The following CPNE9 variants were observed in gnomAD, a reference collection of about 807,000 sequenced individuals.
CPNE9 encodes the protein copine-9.
A neutral mutation model predicts 83.0 loss-of-function variants in CPNE9; 59 were observed. The observed-to-expected ratio is 0.71, with a 90% CI of 0.58 to 0.88. The LOEUF (loss-of-function observed/expected upper bound fraction) is 0.88, where lower values mean the gene tolerates loss of function less well. CPNE9 is among the 40% of genes least tolerant of loss of function. The pLI, the probability that CPNE9 is intolerant of heterozygous loss-of-function variation, is 0.00. For synonymous variants in CPNE9, 256 were observed against 273.4 expected, an observed-to-expected ratio of 0.94 and a Z score of 0.63; for missense variants, 619 against 720.8, an observed-to-expected ratio of 0.86 and a Z score of 1.62.
rs2076786942 is a variant in CPNE9 at position 9,726,598 on chromosome 3, G to C, written c.1345-67G>C. The C allele has an allele frequency of 3.2e-6, 4 of 1,253,672 alleles. No individual in the cohort carries two copies. In the South Asian group the frequency reaches 4.8e-5, roughly 15 times the overall value. The allele number at this position is 1,253,672 out of a possible 1,614,324, so 77.7% of individuals were successfully genotyped here. The stretch of plus-strand genomic sequence containing the variant: ...CCATGACACACATACACAGAGAACT[G>C]TCTCCCAACAGTCACCTCCCTAGTG... On this transcript the variant is annotated intron_variant, in intron 18 of 20. Transcript: ENST00000383832.
chr3:9,727,276 T>A lies in CPNE9; in HGVS notation c.1476+90T>A, dbSNP rs937232888. ...CCACTTTCACTTACTGCCTTCTCAG[T>A]CTCCTACTTTTTTCCCCCGTCACTC... is the stretch of plus-strand genomic sequence containing the variant. On this transcript the variant is annotated intron_variant, in intron 20 of 20. Coordinates refer to ENST00000383832, the MANE Select transcript of CPNE9 (RefSeq NM_153635.3). The A allele has an allele frequency of 7.5e-6, 10 of 1,340,054 alleles. No individual in the cohort carries two copies. In the African/African-American group the frequency reaches 1.1e-4, roughly 15 times the overall value. 83.0% of individuals were successfully genotyped at this position (1,340,054 alleles called of 1,614,324 possible).
intron 10 of CPNE9, 33 bp downstream of exon 10, chr3:9,713,112 C>A (rs1355534604): frequency 6.6e-7 from 1 of 1,504,014 alleles, no homozygotes; most frequent in Non-Finnish European, 9.2e-7. Flanking sequence ...GAGTAAGGAG[C>A]CAAGGACATG....
At chr3:9,722,765 T>C (rs1008463481) in intron 17 of CPNE9, among the ~76,000 whole-genome samples, 1 of 152,162 alleles carries the variant, frequency 6.6e-6, no homozygotes, top group Non-Finnish European at 1.5e-5. Flanking sequence ...TCCTCTGATC[T>C]CAGCCTCCCA....
chr3:9,726,338 C>A (rs2076784448), intron 18 of CPNE9, among the ~76,000 whole-genome samples: 1 of 152,118 alleles, frequency 6.6e-6, no homozygotes, highest in Non-Finnish European at 1.5e-5. Flanking sequence ...AGAAGAGGAA[C>A]CCTGAGCTTA....
At chr3:9,715,214 G>T (rs1575124209) in intron 11 of CPNE9, 75 bp from the exon 12 acceptor site, 3 of 1,493,256 alleles carry the variant, frequency 2.0e-6, no homozygotes, top group African/African-American at 2.8e-5. Flanking sequence ...TAGGATAGGA[G>T]GAATAAAAGA....
intron 10 of CPNE9, 37 bp from the exon 11 acceptor site, chr3:9,714,877 A>T: frequency 6.3e-7 from 1 of 1,584,942 alleles, no homozygotes; most frequent in Non-Finnish European, 8.6e-7. Flanking sequence ...GGGATTTATC[A>T]TACACACCTA....
Position 9,705,016 on chromosome 3 carries a change from T to A in CPNE9, c.260+22T>A, listed in dbSNP as rs532122754. ...ATGTGTGAGGCCCCGCCTGGAATTC[T>A]GGCTTGGCCCGCCCCCGACCTGGAT... On this transcript the variant is annotated intron_variant, in intron 4 of 20. Transcript: ENST00000383832. 3.1e-5 allele frequency: 48 copies of A among 1,561,482 alleles called. No individual in the cohort carries two copies. In the African/African-American group the frequency reaches 5.3e-4, roughly 17 times the overall value.
At chr3:9,708,793 C>T (rs992067459) in intron 7 of CPNE9, among the ~76,000 whole-genome samples, 3 of 151,858 alleles carry the variant, frequency 2.0e-5, no homozygotes, top group African/African-American at 4.8e-5. Context: ...CCACCATGCC[C>T]GGCTAATTTT....
intron 17 of CPNE9, among the ~76,000 whole-genome samples, chr3:9,725,696 G>GTGTATATATGTATATATA (rs2076777339): frequency 5.3e-5 from 7 of 132,388 alleles, no homozygotes; most frequent in African/African-American, 2.0e-4. Flanking sequence ...ATACATATAT[G>GTGTATATATGTATATATA]TGTATATATG....
intron 4 of CPNE9, 47 bp from the exon 5 acceptor site, chr3:9,705,417 T>TATA: frequency 1.8e-6 from 1 of 570,216 alleles, no homozygotes; most frequent in South Asian, 1.6e-5. Flanking sequence ...CTTTCCACCC[T>TATA]CTCCCCCACC....
Position 9,705,995 on chromosome 3 carries a change from G to A in CPNE9, c.309G>A (p.Leu103=), listed in dbSNP as rs375060861. 1.2e-5 allele frequency: 20 copies of A among 1,613,354 alleles called. No homozygotes were observed. Among genetic ancestry groups the A allele is most frequent in the Non-Finnish European group, 1.7e-5 (20 of 1,180,018 alleles). Residue 103 remains leucine (L), a synonymous_variant, in exon 7 of 21, where the codon CTG becomes CTA. Transcript: ENST00000383832. ...CTCCTTGTCCTGCATAGGATTTCCT[G>A]GGACAAGCGTTCCTGGCCCTGGGAG... ...KTNISKPKDF[L]GQAFLALGEV...
chr3:9,729,860 T>C lies in CPNE9; in HGVS notation c.*168T>C. On this transcript the variant is annotated 3_prime_UTR_variant, in exon 21 of 21. Coordinates refer to ENST00000383832, the MANE Select transcript of CPNE9 (RefSeq NM_153635.3). ...CTTGCCTGCAGAGGGCCTGGCACTA[T>C]CACCACCTCTCTGCCTTCATGCCAA... The C allele has an allele frequency of 1.2e-6, 1 of 836,990 alleles. No individual in the cohort carries two copies. Among genetic ancestry groups the C allele is most frequent in the Non-Finnish European group, 1.8e-6 (1 of 567,080 alleles). 51.8% of individuals were successfully genotyped at this position (836,990 alleles called of 1,614,324 possible).
chr3:9,716,017 T>A lies in CPNE9; in HGVS notation c.866T>A (p.Val289Asp). ...TCTGTGGACTCTGAATTCACTTTTG[T>A]TGATTACATCAAGGGAGGGTGAGTC... ...SFSVDSEFTF[V>D]DYIKGGTQLN... The change falls in exon 14 of 21, where the codon GTT (valine) becomes GAT (aspartate). Residue 289 changes from valine (V) to aspartate (D), a missense_variant. Physicochemically the swap from Val to Asp is radical, Grantham distance 152 (BLOSUM62 -3). This residue lies in a region of CPNE9 where 438 missense variants were observed against 562.9 expected (regional missense o/e 0.78). Coordinates refer to ENST00000383832, the MANE Select transcript of CPNE9 (RefSeq NM_153635.3). 6.2e-7 allele frequency: 1 copy of A among 1,610,756 alleles called. No homozygotes were observed. The highest frequency in any genetic ancestry group is 8.5e-7 in the Non-Finnish European group (1 of 1,178,470).
At chr3:9,723,925 T>C (rs923675106) in intron 17 of CPNE9, among the ~76,000 whole-genome samples, 2 of 152,190 alleles carry the variant, frequency 1.3e-5, no homozygotes, top group Non-Finnish European at 2.9e-5. Context: ...TACTGTCCAA[T>C]AGCACTTTCT....
At chr3:9,705,419 T>TCGCC in intron 4 of CPNE9, 45 bp from the exon 5 acceptor site, 1 of 662,640 alleles carries the variant, frequency 1.5e-6, no homozygotes, top group Non-Finnish European at 2.7e-6. Context: ...TTCCACCCTC[T>TCGCC]CCCCCACCCA....
intron 7 of CPNE9, among the ~76,000 whole-genome samples, chr3:9,711,823 A>G (rs1395092385): frequency 6.6e-6 from 1 of 152,154 alleles, no homozygotes; most frequent in Non-Finnish European, 1.5e-5. Flanking sequence ...AGGAAAGGAT[A>G]AAGTTTCCCT....
Position 9,725,997 on chromosome 3 carries a change from C to T in CPNE9, c.1290C>T (p.Ile430=), listed in dbSNP as rs776217789. Residue 430 remains isoleucine, a synonymous_variant, in exon 18 of 21, where the codon ATC becomes ATT. Transcript: ENST00000383832. ...GCTCCCAGTACTATGTTCTGCTCATCATCACTGATGGGGTCATCTCTGACA... is the reference window on the plus strand; with the variant it reads ...GCTCCCAGTACTATGTTCTGCTCATTATCACTGATGGGGTCATCTCTGACA... ...SDGSQYYVLL[I]ITDGVISDMT... The T allele has an allele frequency of 6.2e-7, 1 of 1,613,054 alleles. No individual in the cohort carries two copies. The highest frequency in any genetic ancestry group is 1.7e-5 in the Admixed American group (1 of 59,916).
chr3:9,718,593 A>C lies in CPNE9; in HGVS notation c.1232A>C (p.Gln411Pro). The change falls in exon 17 of 21, where the codon CAA becomes CCA. Residue 411 changes from glutamine to proline, a missense_variant. Gln to Pro is a moderately conservative substitution (Grantham distance 76). This residue lies in a region of CPNE9 where 438 missense variants were observed against 562.9 expected (regional missense o/e 0.78). Coordinates refer to ENST00000383832, the MANE Select transcript of CPNE9 (RefSeq NM_153635.3). ...ACCTACTTTGCTCCTGTCATCAACC[A>C]AGTGGCCAGGTAAGGGAACTGGGTG... Reference protein sequence around the residue: ...GPTYFAPVINQVARAAAKISD... With the variant: ...GPTYFAPVINPVARAAAKISD... The C allele has an allele frequency of 6.2e-7, 1 of 1,612,636 alleles. No homozygotes were observed. Among genetic ancestry groups the C allele is most frequent in the East Asian group, 2.2e-5 (1 of 44,830 alleles).
chr3:9,704,395 A>T lies in CPNE9; in HGVS notation c.69-192A>T, dbSNP rs1335121283. Among the ~76,000 whole-genome samples, 1 of 152,090 alleles carries T rather than the reference A, an allele frequency of 6.6e-6. No individual in the cohort carries two copies. Among genetic ancestry groups the T allele is most frequent in the Admixed American group, 6.5e-5 (1 of 15,284 alleles). The stretch of plus-strand genomic sequence containing the variant: ...GGGTGCGTTCGCGTCCAGTCCGCAG[A>T]GCCATGGTTCCTGGACAGCGATTTC... On this transcript the variant is annotated intron_variant, in intron 1 of 20. Coordinates refer to ENST00000383832, the MANE Select transcript of CPNE9 (RefSeq NM_153635.3). The surrounding 1 kb of genome is among the most constrained non-coding windows in gnomAD (Gnocchi z 7.1).
Sources: gnomAD v4.1 joint callset for allele counts (sites outside exome capture counted in the v4.1 genomes callset) on GRCh38, gnomAD v4.1.1 for gene constraint, gnomAD v4.1.1 regional missense constraint, Gnocchi (gnomAD v3.1) non-coding constraint, MANE v1.5 for transcripts, NCBI Gene and HGNC (gene_info 2026-07-23, HGNC 2026-07-21) for gene names.